The following MGAT1 variants were observed in gnomAD, a reference collection of about 807,000 sequenced individuals.
The protein encoded by MGAT1 is N-glycosyl-oligosaccharide-glycoprotein N-acetylglucosaminyltransferase I.
A neutral mutation model predicts 31.7 loss-of-function variants in MGAT1; 14 were observed. The ratio of observed to expected loss-of-function variants is 0.44; its 90% CI spans 0.29 to 0.69. The LOEUF (loss-of-function observed/expected upper bound fraction) is 0.69. Among genes scored for constraint, MGAT1 ranks in the 30% least tolerant of loss-of-function variants. The pLI, the probability that MGAT1 is intolerant of heterozygous loss-of-function variation, is 0.12. For missense variants in MGAT1, 557 were observed against 626.0 expected (o/e 0.89, Z 1.18); for synonymous variants, 338 against 276.0 (o/e 1.22, Z -2.23).
Position 180,793,015 on chromosome 5 carries a change from C to G in MGAT1, c.-44G>C. On this transcript the variant is annotated 5_prime_UTR_variant, in exon 2 of 2. Transcript: ENST00000307826. ...GGGCAGGCCAGGGGACGGTTCAAGG[C>G]TGCCCTGGGCTTGCCCGGCTCCCTT... 6.2e-7 allele frequency: 1 copy of G among 1,605,636 alleles called. No homozygotes were observed. The highest frequency in any genetic ancestry group is 8.5e-7 in the Non-Finnish European group (1 of 1,177,062).
chr5:180,810,187 C>T (rs979879808), intron 1 of MGAT1: 1 of 151,560 alleles, frequency 6.6e-6, no homozygotes. Flanking sequence ...CTTCCCCCCT[C>T]CCACCATCCA....
chr5:180,792,918 C>T lies in MGAT1; in HGVS notation c.54G>A (p.Val18=). The T allele has an allele frequency of 6.2e-7, 1 of 1,612,796 alleles. No individual in the cohort carries two copies. Among genetic ancestry groups the T allele is most frequent in the Non-Finnish European group, 8.5e-7 (1 of 1,179,710 alleles). ...AGAGGAGCAGCAGGGCATTCCAGGC[C>T]ACAAAGAGGATAGCGCCCCACAGCA... ...GLVLWGAILF[V]AWNALLLLFF... Residue 18 remains valine (V), a synonymous_variant, in exon 2 of 2, where the codon GTG becomes GTA. Coordinates refer to ENST00000307826, the MANE Select transcript of MGAT1 (RefSeq NM_002406.4).
At position 180,792,451 on chromosome 5, in the gene MGAT1, G is replaced by C. The variant is rs141716191; in HGVS notation, c.521C>G (p.Pro174Arg). ...QPDLSSIAVP[P>R]DHRKFQGYYK... The stretch of plus-strand genomic sequence containing the variant: ...GTAGCCCTGGAACTTGCGGTGGTCC[G>C]GCGGCACCGCAATGCTGCTCAGGTC... The change falls in exon 2 of 2, where the codon CCG becomes CGG. Residue 174 changes from proline to arginine, a missense_variant. Around this residue, in one of 3 missense-constraint regions of MGAT1, gnomAD observed 245 missense variants for 332.9 expected, o/e 0.74. Coordinates refer to ENST00000307826, the MANE Select transcript of MGAT1 (RefSeq NM_002406.4). The C allele has an allele frequency of 1.2e-6, 2 of 1,612,324 alleles. No homozygotes were observed. The highest frequency in any genetic ancestry group is 2.2e-5 in the South Asian group (2 of 91,012).
Position 180,791,673 on chromosome 5 carries a change from G to C in MGAT1, c.1299C>G (p.Pro433=). ...GATCATAGCCCTCCCACGTCAGTGG[G>C]GGCGCCAGGTGGACACGGCGGCCCC... ...QFRGRRVHLA[P]PLTWEGYDPS... The change falls in exon 2 of 2, where the codon CCC becomes CCG. Residue 433 remains proline (P), a synonymous_variant. Transcript: ENST00000307826. 6.2e-7 allele frequency: 1 copy of C among 1,613,844 alleles called. No individual in the cohort carries two copies. The highest frequency in any genetic ancestry group is 8.5e-7 in the Non-Finnish European group (1 of 1,180,018).
At chr5:180,795,279 A>ATG (rs1769102087) in intron 1 of MGAT1, 3 of 112,394 alleles carry the variant, frequency 2.7e-5, no homozygotes, top group African/African-American at 9.9e-5. Flanking sequence ...TTTTACAGGT[A>ATG]TATATATATA....
upstream of MGAT1, among the ~76,000 whole-genome samples, chr5:180,804,985 G>A (rs550955606): frequency 1.3e-5 from 2 of 152,318 alleles, no homozygotes; most frequent in Admixed American, 6.5e-5. Context: ...GGCCTGGTTA[G>A]GGAATCAGAA....
chr5:180,797,186 T>C (rs1194939117), intron 1 of MGAT1, among the ~76,000 whole-genome samples: 1 of 152,026 alleles, frequency 6.6e-6, no homozygotes, highest in South Asian at 2.1e-4. Context: ...GGCAGGCGGA[T>C]CACCTGAGGT....
intron 1 of MGAT1, among the ~76,000 whole-genome samples, chr5:180,796,944 G>C (rs1460215793): frequency 6.6e-6 from 1 of 152,164 alleles, no homozygotes; most frequent in East Asian, 1.9e-4. Flanking sequence ...CTCCCCTCAG[G>C]ATGTTGTCCA....
chr5:180,796,194 A>G (rs982910474), intron 1 of MGAT1, among the ~76,000 whole-genome samples: 5 of 152,118 alleles, frequency 3.3e-5, no homozygotes, highest in Non-Finnish European at 7.4e-5. Context: ...CAGATCTGGT[A>G]TAAAAGGGCT....
Position 180,785,182 on chromosome 5 carries a change from T to A in MGAT1, c.*6452A>T, listed in dbSNP as rs1403245926. ...ACTGCTCCCCACCCTTGGATGCTGA[T>A]GAGTAAATGTTTTAAAATTCTATTC... On this transcript the variant is annotated 3_prime_UTR_variant, in exon 2 of 2. Transcript: ENST00000307826. The A allele has an allele frequency of 2.0e-5, 3 of 152,264 alleles. No individual in the cohort carries two copies. Among genetic ancestry groups the A allele is most frequent in the South Asian group, 4.1e-4 (2 of 4,834 alleles). The allele number at this position is 152,264 out of a possible 1,614,324, so 9.4% of individuals were successfully genotyped here. A position where few individuals can be genotyped will look rare whatever the true frequency, so the allele number is the denominator to read the frequency against.
upstream of MGAT1, among the ~76,000 whole-genome samples, chr5:180,806,688 G>C (rs945340753): frequency 2.6e-5 from 4 of 152,176 alleles, no homozygotes; most frequent in African/African-American, 9.7e-5. Context: ...CCTCAAACTG[G>C]GAAAAGAATC....
chr5:180,803,412 G>A (rs549235019), upstream of MGAT1: 5 of 152,558 alleles, frequency 3.3e-5, no homozygotes, highest in East Asian at 9.6e-4. Flanking sequence ...CTACCAGCAG[G>A]GGAGGCCCAC....
At chr5:180,808,469 T>C (rs1307415569) in intron 2 of MGAT1, 1 of 152,242 alleles carries the variant, frequency 6.6e-6, no homozygotes, top group Non-Finnish European at 1.5e-5. Context: ...CTCATCCAGC[T>C]TGGGTAAGGG....
At chr5:180,803,130 C>T (rs1335630284), upstream of MGAT1, among the ~76,000 whole-genome samples, 2 of 152,154 alleles carry the variant, frequency 1.3e-5, no homozygotes, top group Non-Finnish European at 2.9e-5. Flanking sequence ...GAAGTGGGCC[C>T]GCAGTCCAGG....
chr5:180,811,306 C>A (rs1438398132), intron 1 of MGAT1: 2 of 152,118 alleles, frequency 1.3e-5, no homozygotes, highest in Non-Finnish European at 2.9e-5. Context: ...CGTCAGGACT[C>A]TGGAGATGAT....
chr5:180,808,330 A>G lies in MGAT1; in HGVS notation c.-127+318T>C, dbSNP rs146304500. On this transcript the variant is annotated intron_variant, in intron 2 of 2. Transcript: ENST00000333055. ...TTAACCCAGACTGACTTGGAATCCT[A>G]TTATCTCAGTGTTGGAAGGGCCTTT... Among the ~76,000 whole-genome samples the G allele has an allele frequency of 2.6e-5, 4 of 152,260 alleles. No individual in the cohort carries two copies. The East Asian group carries it at 5.8e-4, about 22-fold the overall frequency.
intron 1 of MGAT1, among the ~76,000 whole-genome samples, chr5:180,813,576 G>A (rs1581935279): frequency 6.6e-6 from 1 of 152,314 alleles, no homozygotes; most frequent in South Asian, 2.1e-4. Context: ...AAACACTTAG[G>A]AGTAAGCTAG....
chr5:180,795,862 C>G (rs1404784036), intron 1 of MGAT1: 1 of 152,234 alleles, frequency 6.6e-6, no homozygotes, highest in East Asian at 1.9e-4. Context: ...CACACACCTG[C>G]TCTCTGCCAG....
At chr5:180,799,700 A>G (rs910087487) in intron 1 of MGAT1, among the ~76,000 whole-genome samples, 2 of 152,184 alleles carry the variant, frequency 1.3e-5, no homozygotes, top group East Asian at 3.8e-4. Flanking sequence ...TCCAGAGATG[A>G]CCGCACATAT....
Sources: allele counts gnomAD v4.1 joint callset (sites outside exome capture counted in the v4.1 genomes callset), GRCh38; gene constraint gnomAD v4.1.1; regional missense constraint gnomAD v4.1.1; transcripts MANE v1.5; gene names NCBI Gene and HGNC (gene_info 2026-07-23, HGNC 2026-07-21).